TEX11: variants seen among roughly 807,000 people sequenced by gnomAD.
TEX11 encodes testis expressed 11.
Under a neutral mutation model 84.4 loss-of-function variants are expected in TEX11, and 7 were observed. The ratio of observed to expected loss-of-function variants is 0.08; its 90% CI spans 0.05 to 0.16. TEX11 has a LOEUF of 0.16. Among genes scored for constraint, TEX11 ranks in the 10% least tolerant of loss-of-function variants. TEX11 has a pLI of 1.00. For missense variants in TEX11, 551 were observed against 660.5 expected (o/e 0.83, Z 1.82); for synonymous variants, 264 against 222.8 (o/e 1.18, Z -1.64).
chrX:70,605,453 G>A lies in TEX11; in HGVS notation c.2015C>T (p.Ala672Val). Residue 672 changes from alanine (A) to valine (V), a missense_variant, in exon 24 of 30, where the codon GCA becomes GTA. By Grantham distance (64) the Ala-to-Val change is moderately conservative (BLOSUM62 0). Coordinates refer to ENST00000374333, the MANE Select transcript of TEX11 (RefSeq NM_031276.3). ...LIARKTCLLM[A>V]VAVDLEQGRK... ...CCCTTGCTCTAGATCAACTGCAACTGCCATAAGTAAACATGTTTTCCGTGC... is the reference window on the plus strand; with the variant it reads ...CCCTTGCTCTAGATCAACTGCAACTACCATAAGTAAACATGTTTTCCGTGC... The A allele has an allele frequency of 9.1e-6, 11 of 1,209,405 alleles. No homozygotes were observed. Among genetic ancestry groups the A allele is most frequent in the Non-Finnish European group, 1.2e-5 (11 of 893,975 alleles).
chrX:70,827,920 A>G (rs370544900), intron 8 of TEX11, among the ~76,000 whole-genome samples: 24 of 111,665 alleles, frequency 2.1e-4, no homozygotes, highest in African/African-American at 4.9e-4. Flanking sequence ...AGCTCAACAC[A>G]GAGACAGTGA....
intron 13 of TEX11, among the ~76,000 whole-genome samples, chrX:70,708,798 G>A (rs1424831742): frequency 3.6e-5 from 4 of 110,367 alleles, no homozygotes; most frequent in Non-Finnish European, 7.6e-5. Flanking sequence ...CTAGTAGAGG[G>A]GGGAGAGGTG....
chrX:70,750,232 C>T (rs2090804950), intron 9 of TEX11, among the ~76,000 whole-genome samples: 1 of 111,424 alleles, frequency 9.0e-6, no homozygotes, highest in South Asian at 3.8e-4. Context: ...GATACCATCT[C>T]ACACCAGTTA....
chrX:70,634,732 CA>C (rs1282933451), intron 17 of TEX11, among the ~76,000 whole-genome samples: 1 of 109,010 alleles, frequency 9.2e-6, no homozygotes, highest in East Asian at 2.9e-4. Flanking sequence ...AAAAAATTTT[CA>C]ATCCATACCT....
chrX:70,615,311 C>T (rs1296576985), intron 20 of TEX11, among the ~76,000 whole-genome samples: 1 of 110,982 alleles, frequency 9.0e-6, no homozygotes, highest in African/African-American at 3.3e-5. Context: ...AGAAGAAATT[C>T]AGAACTCTAT....
At chrX:70,533,945 A>G (rs926887915) in intron 28 of TEX11, among the ~76,000 whole-genome samples, 14 of 108,546 alleles carry the variant, frequency 1.3e-4, no homozygotes, top group Non-Finnish European at 2.5e-4. Context: ...TACAAAAATT[A>G]GCTGGGCGTG....
At chrX:70,855,895 T>A (rs747353921) in intron 5 of TEX11, among the ~76,000 whole-genome samples, 10 of 111,629 alleles carry the variant, frequency 9.0e-5, no homozygotes, top group Non-Finnish European at 1.5e-4. Context: ...GCTGACACCT[T>A]AATCTTGAAC....
intron 2 of TEX11, among the ~76,000 whole-genome samples, chrX:70,900,974 A>G (rs771140773): frequency 1.8e-5 from 2 of 111,073 alleles, no homozygotes; most frequent in Non-Finnish European, 3.8e-5. Context: ...ATCTAGAAAA[A>G]AGGCCAGTAG....
chrX:70,897,655 G>GGAAGGAAGGAAA lies in TEX11; in HGVS notation c.37+10086_37+10097dup, dbSNP rs1569463148. 2.1e-3 allele frequency: 174 copies of GGAAGGAAGGAAA among 82,659 alleles called. 1 individual carries two copies. Among genetic ancestry groups the GGAAGGAAGGAAA allele is most frequent in the Non-Finnish European group, 3.6e-3 (160 of 44,512 alleles). 6.8% of individuals were successfully genotyped at this position (82,659 alleles called of 1,213,427 possible). A position where few individuals can be genotyped will look rare whatever the true frequency, so the allele number is the denominator to read the frequency against. On this transcript the variant is annotated intron_variant, in intron 2 of 29. Coordinates refer to ENST00000374333, the MANE Select transcript of TEX11 (RefSeq NM_031276.3). ...AGGAAGGAAGGAAGGAAGGAAGGAAGGAAGGAAGGAAAACAAAGAAAGAAA... is the reference window on the plus strand; with the variant it reads ...AGGAAGGAAGGAAGGAAGGAAGGAAGGAAGGAAGGAAAGAAGGAAGGAAAACAAAGAAAGAAA...
chrX:70,872,174 T>C (rs148919714), intron 4 of TEX11, among the ~76,000 whole-genome samples: 2,223 of 111,576 alleles, frequency 0.02, 21 homozygotes, highest in Middle Eastern at 0.12. Flanking sequence ...ACCTGTGTAC[T>C]AAGTTTCTTC....
chrX:70,822,503 C>T (rs775065746), intron 8 of TEX11, among the ~76,000 whole-genome samples: 2 of 110,076 alleles, frequency 1.8e-5, no homozygotes, highest in South Asian at 7.7e-4. Context: ...TGTATATATA[C>T]ACACACACAC....
intron 9 of TEX11, among the ~76,000 whole-genome samples, chrX:70,773,659 G>A (rs1221439098): frequency 9.0e-6 from 1 of 111,299 alleles, no homozygotes; most frequent in Non-Finnish European, 1.9e-5. Context: ...TTGTAATGGT[G>A]GTACATAAAT....
chrX:70,772,968 T>A (rs2090980360), intron 9 of TEX11, among the ~76,000 whole-genome samples: 1 of 106,113 alleles, frequency 9.4e-6, no homozygotes. Context: ...TGAAAAAGAG[T>A]GAAGAAAGCC....
chrX:70,816,262 C>A (rs1321953926), intron 8 of TEX11, among the ~76,000 whole-genome samples: 1 of 112,141 alleles, frequency 8.9e-6, no homozygotes, highest in Non-Finnish European at 1.9e-5. Context: ...TCACCCATTA[C>A]TCCATGACTG....
At chrX:70,679,471 C>T (rs2090113217) in intron 14 of TEX11, among the ~76,000 whole-genome samples, 1 of 103,985 alleles carries the variant, frequency 9.6e-6, no homozygotes, top group Non-Finnish European at 2.0e-5. Context: ...TCTGCCCGGC[C>T]GCCATCCCAT....
chrX:70,637,232 T>G (rs2089586568), intron 17 of TEX11, among the ~76,000 whole-genome samples: 1 of 111,756 alleles, frequency 8.9e-6, no homozygotes, highest in South Asian at 3.8e-4. Context: ...TGACTATTAT[T>G]AAAAAGTCAA....
At chrX:70,751,489 G>C (rs373822667) in intron 9 of TEX11, among the ~76,000 whole-genome samples, 2 of 71,242 alleles carry the variant, frequency 2.8e-5, no homozygotes, top group East Asian at 1.2e-3. Context: ...GTTGTGGGGT[G>C]GGGGGAGGGG....
intron 9 of TEX11, among the ~76,000 whole-genome samples, chrX:70,776,002 G>A (rs1311242994): frequency 9.5e-6 from 1 of 105,572 alleles, no homozygotes; most frequent in Admixed American, 1.0e-4. Flanking sequence ...CTGTTGATGA[G>A]AATGTAAATT....
At chrX:70,817,252 T>TAC (rs764022161) in intron 8 of TEX11, among the ~76,000 whole-genome samples, 1,064 of 95,151 alleles carry the variant, frequency 0.011, 18 homozygotes, top group African/African-American at 0.037. Context: ...CACATATATA[T>TAC]ATACACACAC....
Sources: allele counts gnomAD v4.1 joint callset (sites outside exome capture counted in the v4.1 genomes callset), GRCh38; gene constraint gnomAD v4.1.1; transcripts MANE v1.5; gene names NCBI Gene and HGNC (gene_info 2026-07-23, HGNC 2026-07-21).